Variants in HHLA2 observed in about 807,000 individuals in gnomAD.
The protein encoded by HHLA2 is HHLA2 member of B7 family, also known as HERV-H LTR-associating protein 2.
In HHLA2, 48 loss-of-function variants were observed where a neutral mutation model predicts 45.9. That is an observed-to-expected ratio of 1.05 (90% CI 0.83 to 1.33). The LOEUF is 1.33. Ranked by LOEUF, HHLA2 falls within the 40% of genes most tolerant of loss-of-function variation. HHLA2 has a pLI of 0.00. For missense variants in HHLA2, 462 were observed against 494.3 expected, an observed-to-expected ratio of 0.93 and a Z score of 0.62; for synonymous variants, 161 against 173.9, an observed-to-expected ratio of 0.93 and a Z score of 0.59.
rs557649151 is a variant in HHLA2 at position 108,371,290 on chromosome 3, A to C, written c.1109-4460A>C. Among the ~76,000 whole-genome samples, 54 of 152,326 alleles carry C rather than the reference A, an allele frequency of 3.5e-4. 1 individual carries two copies. The East Asian group carries it at 9.6e-3, about 27-fold the overall frequency. ...CAAGCAAATGCTGAGAGATTTTGTCACCACCAGGCCTGCCCTAAAAGAGCT... is the reference window on the plus strand; with the variant it reads ...CAAGCAAATGCTGAGAGATTTTGTCCCCACCAGGCCTGCCCTAAAAGAGCT... On this transcript the variant is annotated intron_variant, in intron 8 of 10. Coordinates refer to ENST00000619531, the Ensembl canonical transcript of HHLA2.
chr3:108,329,313 A>C (rs1460275164), intron 3 of HHLA2, among the ~76,000 whole-genome samples: 4 of 152,188 alleles, frequency 2.6e-5, no homozygotes, highest in Non-Finnish European at 5.9e-5. Flanking sequence ...CCCCTAAAAA[A>C]AGAAACGTCC....
At chr3:108,346,344 T>G (rs182454035) in intron 3 of HHLA2, among the ~76,000 whole-genome samples, 1 of 152,164 alleles carries the variant, frequency 6.6e-6, no homozygotes, top group African/African-American at 2.4e-5. Context: ...ACAGTCAATC[T>G]TATTAAAATC....
intron 6 of HHLA2, among the ~76,000 whole-genome samples, chr3:108,355,931 T>C (rs2081881336): frequency 1.3e-5 from 2 of 152,156 alleles, no homozygotes; most frequent in Non-Finnish European, 2.9e-5. Flanking sequence ...CTCATTTATT[T>C]GAACAGATCC....
intron 1 of HHLA2, among the ~76,000 whole-genome samples, chr3:108,306,790 C>T (rs1369932070): frequency 6.6e-6 from 1 of 151,868 alleles, no homozygotes; most frequent in Non-Finnish European, 1.5e-5. Context: ...TGACTTCAAC[C>T]TTTTCCATTG....
At chr3:108,332,328 A>C (rs949204469) in intron 3 of HHLA2, among the ~76,000 whole-genome samples, 2 of 152,186 alleles carry the variant, frequency 1.3e-5, no homozygotes, top group Admixed American at 1.3e-4. Context: ...CATTATTGTA[A>C]AATTCTGACT....
At chr3:108,329,543 A>T (rs975988534) in intron 3 of HHLA2, among the ~76,000 whole-genome samples, 5 of 152,306 alleles carry the variant, frequency 3.3e-5, no homozygotes, top group African/African-American at 1.2e-4. Flanking sequence ...GGGTCTAAAT[A>T]TACTTCAAAG....
intron 3 of HHLA2, among the ~76,000 whole-genome samples, chr3:108,335,964 T>A (rs1399329173): frequency 6.6e-6 from 1 of 151,924 alleles, no homozygotes; most frequent in Non-Finnish European, 1.5e-5. Context: ...GAACTCCTTG[T>A]TGTATTATAT....
chr3:108,334,852 C>T (rs1335329237), intron 3 of HHLA2, among the ~76,000 whole-genome samples: 1 of 152,056 alleles, frequency 6.6e-6, no homozygotes, highest in Non-Finnish European at 1.5e-5. Context: ...GCAGATCTGC[C>T]CATCAGGAGC....
At chr3:108,339,750 G>A (rs1965250) in intron 3 of HHLA2, among the ~76,000 whole-genome samples, 151,996 of 152,278 alleles carry the variant, frequency 1, 75,857 homozygotes, top group Middle Eastern at 1. Context: ...TACTTACGTG[G>A]TCTGCTCCTC....
intron 3 of HHLA2, among the ~76,000 whole-genome samples, chr3:108,336,207 C>T (rs1054427201): frequency 1.3e-5 from 2 of 152,122 alleles, no homozygotes; most frequent in African/African-American, 4.8e-5. Context: ...AGTAGTTAGC[C>T]TTATGACATT....
chr3:108,325,490 G>A (rs2081271494), intron 2 of HHLA2: 2 of 358,174 alleles, frequency 5.6e-6, no homozygotes, highest in Non-Finnish European at 5.5e-6. Flanking sequence ...GTTAAGCTTT[G>A]CTTCCTGGCA....
intron 3 of HHLA2, among the ~76,000 whole-genome samples, chr3:108,343,255 C>T (rs2081606613): frequency 6.6e-6 from 1 of 152,164 alleles, no homozygotes; most frequent in South Asian, 2.1e-4. Context: ...GAAGACAAGG[C>T]TTCTGAAGCA....
At chr3:108,337,488 A>G (rs1163891984) in intron 3 of HHLA2, among the ~76,000 whole-genome samples, 1 of 152,116 alleles carries the variant, frequency 6.6e-6, no homozygotes, top group Non-Finnish European at 1.5e-5. Flanking sequence ...AGGTGGAGGT[A>G]TCTTTGTCTA....
intron 1 of HHLA2, 117 bp downstream of exon 1, chr3:108,296,716 T>G (rs975142098): frequency 3.9e-5 from 6 of 152,262 alleles, no homozygotes; most frequent in Non-Finnish European, 2.9e-5. Context: ...AATTAGTGAC[T>G]GATCTTTTAA....
intron 2 of HHLA2, among the ~76,000 whole-genome samples, chr3:108,315,072 G>C (rs1420167394): frequency 6.6e-6 from 1 of 152,188 alleles, no homozygotes; most frequent in Non-Finnish European, 1.5e-5. Context: ...AGATGGGTGG[G>C]AAATGGTGCT....
intron 10 of HHLA2, 84 bp downstream of exon 9, chr3:108,376,641 A>G (rs74857184): frequency 1.7e-6 from 2 of 1,198,172 alleles, no homozygotes; most frequent in South Asian, 1.3e-5. Flanking sequence ...ACTGATTCAC[A>G]TATCATCAAG....
chr3:108,306,810 A>T (rs1006300389), intron 1 of HHLA2, among the ~76,000 whole-genome samples: 1 of 151,848 alleles, frequency 6.6e-6, no homozygotes, highest in African/African-American at 2.4e-5. Context: ...GTATATATAT[A>T]TATTTTTCTA....
chr3:108,359,895 A>T (rs1477452713), intron 7 of HHLA2, among the ~76,000 whole-genome samples: 2 of 152,136 alleles, frequency 1.3e-5, no homozygotes, highest in African/African-American at 4.8e-5. Flanking sequence ...ACGAGGATTA[A>T]TCTGTCCTTC....
chr3:108,363,975 C>CTT (rs56827543), intron 8 of HHLA2, among the ~76,000 whole-genome samples: 1 of 52,656 alleles, frequency 1.9e-5, no homozygotes, highest in African/African-American at 4.4e-5. Flanking sequence ...TGACTTACTT[C>CTT]TTTTTTTTTT....
Sources: gnomAD v4.1 joint callset for allele counts (sites outside exome capture counted in the v4.1 genomes callset) on GRCh38, gnomAD v4.1.1 for gene constraint, MANE v1.5 for transcripts, NCBI Gene and HGNC (gene_info 2026-07-23, HGNC 2026-07-21) for gene names.